The following MLXIP variants were observed in gnomAD, a reference collection of about 807,000 sequenced individuals.
The protein encoded by MLXIP is MLX-interacting protein.
MLXIP carries 30 observed loss-of-function variants against 87.2 expected under a neutral mutation model. The ratio of observed to expected loss-of-function variants is 0.34; its 90% CI spans 0.26 to 0.47. MLXIP has a LOEUF of 0.47. Ranked by LOEUF, MLXIP falls within the 20% of genes least tolerant of loss-of-function variation. The probability of loss-of-function intolerance (pLI) is 1.00; values close to 1 mark genes in which losing one functional copy is unlikely to be tolerated. For missense variants in MLXIP, 1,002 were observed against 1,240.1 expected (o/e 0.81, Z 2.88); for synonymous variants, 530 against 514.0 (o/e 1.03, Z -0.42).
At chr12:122,095,070 GTGT>G (rs1283276915) in intron 1 of MLXIP, among the ~76,000 whole-genome samples, 12 of 143,942 alleles carry the variant, frequency 8.3e-5, no homozygotes, top group Non-Finnish European at 1.5e-4. Context: ...CTGTGGGGTG[GTGT>G]TGGTGTATGT....
intron 1 of MLXIP, among the ~76,000 whole-genome samples, chr12:122,090,316 C>T (rs953364560): frequency 2.6e-5 from 4 of 152,008 alleles, no homozygotes; most frequent in African/African-American, 9.6e-5. Context: ...GCCAACATGG[C>T]GAAACCCTGT....
At chr12:122,110,445 G>A (rs1383953891) in intron 1 of MLXIP, among the ~76,000 whole-genome samples, 11 of 151,770 alleles carry the variant, frequency 7.2e-5, no homozygotes, top group African/African-American at 1.7e-4. Context: ...GTGCCACCAC[G>A]CCCGGCTAAT....
intron 1 of MLXIP, among the ~76,000 whole-genome samples, chr12:122,086,768 G>A (rs901304001): frequency 6.6e-6 from 1 of 152,010 alleles, no homozygotes; most frequent in Non-Finnish European, 1.5e-5. Context: ...AGGACTTCGA[G>A]GACTGGCCGA....
intron 1 of MLXIP, among the ~76,000 whole-genome samples, chr12:122,107,249 C>T (rs1036809567): frequency 6.6e-6 from 1 of 152,040 alleles, no homozygotes; most frequent in African/African-American, 2.4e-5. Flanking sequence ...GTGAAACCCC[C>T]AGCTGCAATT....
At chr12:122,141,546 C>CGTAT in intron 16 of MLXIP, 145 bp from the exon 17 acceptor site, 1 of 1,352,544 alleles carries the variant, frequency 7.4e-7, no homozygotes, top group Admixed American at 2.8e-5. Context: ...CGGTGTCGGC[C>CGTAT]CCTGGCACTC....
intron 1 of MLXIP, among the ~76,000 whole-genome samples, chr12:122,079,882 G>A (rs1952066783): frequency 6.6e-6 from 1 of 152,246 alleles, no homozygotes; most frequent in South Asian, 2.1e-4. Context: ...CCCATCTCGG[G>A]AGGGCTTTGG....
chr12:122,137,794 C>T lies in MLXIP; in HGVS notation c.2154+204C>T. 2.8e-6 allele frequency: 1 copy of T among 354,552 alleles called. No individual in the cohort carries two copies. Among genetic ancestry groups the T allele is most frequent in the Non-Finnish European group, 3.9e-6 (1 of 253,412 alleles). The allele number at this position is 354,552 out of a possible 1,614,324, so 22.0% of individuals were successfully genotyped here. A position where few individuals can be genotyped will look rare whatever the true frequency, so the allele number is the denominator to read the frequency against. On this transcript the variant is annotated intron_variant, in intron 12 of 16. Transcript: ENST00000319080. This position sits in a 1 kb window ranked among gnomAD's most constrained non-coding sequence, Gnocchi z 4.1. ...GGCCCCCTGGAGGCTTTTGGGTGAG[C>T]CCCAAGCCTGGGAGCCAACGCTGAG... is the stretch of plus-strand genomic sequence containing the variant.
At chr12:122,087,830 G>A (rs1038950580) in intron 1 of MLXIP, among the ~76,000 whole-genome samples, 16 of 152,170 alleles carry the variant, frequency 1.1e-4, no homozygotes, top group Non-Finnish European at 2.4e-4. Flanking sequence ...CGGTAGCAGC[G>A]AGGTGGTGAG....
chr12:122,127,916 T>G lies in MLXIP; in HGVS notation c.554T>G (p.Phe185Cys). 6.2e-7 allele frequency: 1 copy of G among 1,613,810 alleles called. No individual in the cohort carries two copies. The highest frequency in any genetic ancestry group is 1.1e-5 in the South Asian group (1 of 91,084). Residue 185 changes from phenylalanine to cysteine, a missense_variant, in exon 3 of 17, where the codon TTT becomes TGT. Physicochemically the swap from Phe to Cys is radical, Grantham distance 205. This residue lies in a region of MLXIP where 127 missense variants were observed against 239.0 expected (regional missense o/e 0.53). Coordinates refer to ENST00000319080, the MANE Select transcript of MLXIP (RefSeq NM_014938.6). ...LEKRKNPVCH[F>C]VTPLDGSVDV... ...AAGCGCAAGAATCCTGTGTGCCACT[T>G]TGTGACACCCCTGGACGGCTCTGTG... is the stretch of plus-strand genomic sequence containing the variant.
chr12:122,135,230 T>C lies in MLXIP; in HGVS notation c.1739T>C (p.Phe580Ser). Residue 580 changes from phenylalanine (F) to serine (S), a missense_variant, in exon 10 of 17, where the codon TTT becomes TCT. Physicochemically the swap from Phe to Ser is radical, Grantham distance 155. Around this residue, in one of 3 missense-constraint regions of MLXIP, gnomAD observed 746 missense variants for 897.0 expected, o/e 0.83. Transcript: ENST00000319080. This position sits in a 1 kb window ranked among gnomAD's most constrained non-coding sequence, Gnocchi z 5.3. Reference protein sequence around the residue: ...LKNARIAPAAFSGQPQAVIMT... With the variant: ...LKNARIAPAASSGQPQAVIMT... ...ATCCTCCTTATCCTGGCAGCTGCCT[T>C]TTCAGGCCAACCACAAGCGGTGATC... is the stretch of plus-strand genomic sequence containing the variant. 1 of 1,613,208 alleles carries C rather than the reference T, an allele frequency of 6.2e-7. No individual in the cohort carries two copies. Among genetic ancestry groups the C allele is most frequent in the Non-Finnish European group, 8.5e-7 (1 of 1,179,750 alleles).
chr12:122,110,847 G>A (rs192793179), intron 1 of MLXIP, among the ~76,000 whole-genome samples: 1,718 of 152,078 alleles, frequency 0.011, 28 homozygotes, highest in African/African-American at 0.039. Flanking sequence ...GGAGGCCAAG[G>A]TGGGCGGATC....
At chr12:122,131,096 G>A (rs1952970014) in intron 7 of MLXIP, 163 bp downstream of exon 7, 1 of 154,226 alleles carries the variant, frequency 6.5e-6, no homozygotes, top group Non-Finnish European at 1.4e-5. Context: ...TAACTGCAAG[G>A]TCTGGGAAGT....
intron 1 of MLXIP, among the ~76,000 whole-genome samples, chr12:122,124,658 C>T (rs116406074): frequency 0.011 from 1,737 of 151,164 alleles, 32 homozygotes; most frequent in African/African-American, 0.04. Context: ...GACTTCAGGG[C>T]GGGGGTTGTT....
intron 1 of MLXIP, among the ~76,000 whole-genome samples, chr12:122,081,186 A>T (rs1236429562): frequency 6.6e-6 from 1 of 151,990 alleles, no homozygotes; most frequent in Non-Finnish European, 1.5e-5. Context: ...CAAGAAGCTT[A>T]TCTTGCTCTC....
intron 1 of MLXIP, among the ~76,000 whole-genome samples, chr12:122,097,809 C>T (rs534469107): frequency 1.7e-4 from 26 of 151,738 alleles, no homozygotes; most frequent in Middle Eastern, 3.4e-3. Context: ...TCTATTGGGC[C>T]AGTCTCTGTT....
chr12:122,087,073 G>A (rs36167334), intron 1 of MLXIP, among the ~76,000 whole-genome samples: 65,627 of 151,904 alleles, frequency 0.43, 14,521 homozygotes, highest in Middle Eastern at 0.62. Context: ...AACACTCTTG[G>A]CGGTTGTCTA....
chr12:122,132,988 G>A (rs745388448), intron 8 of MLXIP: 4 of 216,740 alleles, frequency 1.8e-5, no homozygotes, highest in Non-Finnish European at 3.6e-5. Context: ...AATTGTCCTC[G>A]GGGATTCCCG....
At chr12:122,089,929 A>G (rs1289237569) in intron 1 of MLXIP, among the ~76,000 whole-genome samples, 2 of 152,142 alleles carry the variant, frequency 1.3e-5, no homozygotes, top group African/African-American at 4.8e-5. Context: ...AGGTATGTGG[A>G]AAGATGATGG....
Position 122,138,883 on chromosome 12 carries a change from A to G in MLXIP, c.2453A>G (p.Asp818Gly). Residue 818 changes from aspartate to glycine, a missense_variant, in exon 15 of 17, where the codon GAC (aspartate) becomes GGC (glycine). Transcript: ENST00000319080. ...CGGCGCCAGTTTGATCACATGAAAGACATGTTTGACGAATACGTGAAAACC... is the reference window on the plus strand; with the variant it reads ...CGGCGCCAGTTTGATCACATGAAAGGCATGTTTGACGAATACGTGAAAACC... ...VTRRQFDHMKDMFDEYVKTRT... is the reference protein window; with the variant it reads ...VTRRQFDHMKGMFDEYVKTRT... The G allele has an allele frequency of 1.2e-6, 2 of 1,614,024 alleles. No individual in the cohort carries two copies. The highest frequency in any genetic ancestry group is 1.1e-5 in the South Asian group (1 of 91,088).
Sources: allele counts gnomAD v4.1 joint callset (sites outside exome capture counted in the v4.1 genomes callset), GRCh38; gene constraint gnomAD v4.1.1; regional missense constraint gnomAD v4.1.1; non-coding constraint Gnocchi (gnomAD v3.1); transcripts MANE v1.5; gene names NCBI Gene and HGNC (gene_info 2026-07-23, HGNC 2026-07-21).